NT5DC1: variants seen among roughly 807,000 people sequenced by gnomAD.
NT5DC1 encodes 5'-nucleotidase domain-containing protein 1.
Under a neutral mutation model 59.4 loss-of-function variants are expected in NT5DC1, and 42 were observed. The ratio of observed to expected loss-of-function variants is 0.71; its 90% CI spans 0.55 to 0.92. NT5DC1 has a LOEUF of 0.92. Ranked by LOEUF, NT5DC1 falls within the 40% of genes least tolerant of loss-of-function variation. The probability of loss-of-function intolerance (pLI) is 0.00; values close to 1 mark genes in which losing one functional copy is unlikely to be tolerated. For synonymous variants in NT5DC1, 172 were observed against 188.1 expected (o/e 0.91, Z 0.70); for missense variants, 501 against 537.1 (o/e 0.93, Z 0.66).
At chr6:116,240,583 A>C (rs1771693367) in intron 11 of NT5DC1, among the ~76,000 whole-genome samples, 1 of 152,166 alleles carries the variant, frequency 6.6e-6, no homozygotes, top group Non-Finnish European at 1.5e-5. Flanking sequence ...AATGATGGGG[A>C]AAAAAATAAG....
chr6:116,137,102 C>G (rs1226194218), intron 6 of NT5DC1: 1 of 216,640 alleles, frequency 4.6e-6, no homozygotes, highest in Non-Finnish European at 1.0e-5. Context: ...CCAGTGTTTG[C>G]TTGATGAAAT....
chr6:116,199,209 G>A (rs1307896505), intron 6 of NT5DC1, among the ~76,000 whole-genome samples: 5 of 152,070 alleles, frequency 3.3e-5, no homozygotes, highest in Non-Finnish European at 7.4e-5. Flanking sequence ...CTTCTAGATA[G>A]ACAAGAGAGT....
At chr6:116,204,153 G>A (rs938905195) in intron 6 of NT5DC1, among the ~76,000 whole-genome samples, 17 of 151,902 alleles carry the variant, frequency 1.1e-4, no homozygotes, top group Non-Finnish European at 2.5e-4. Context: ...GAAGGCTTTT[G>A]GTGGGGTAAG....
chr6:116,128,735 A>G (rs1481817924), intron 6 of NT5DC1, among the ~76,000 whole-genome samples: 1 of 152,104 alleles, frequency 6.6e-6, no homozygotes, highest in Admixed American at 6.6e-5. Context: ...GGAAATGCAC[A>G]ATTCCTTCAG....
intron 6 of NT5DC1, among the ~76,000 whole-genome samples, chr6:116,157,553 T>A (rs1780227125): frequency 6.6e-6 from 1 of 152,230 alleles, no homozygotes; most frequent in African/African-American, 2.4e-5. Flanking sequence ...TTGAGTCCAA[T>A]GGGGGATCAA....
At chr6:116,225,937 G>C (rs951921100) in intron 8 of NT5DC1, among the ~76,000 whole-genome samples, 15 of 152,122 alleles carry the variant, frequency 9.9e-5, no homozygotes, top group Non-Finnish European at 2.1e-4. Flanking sequence ...ACTTTGGAGG[G>C]GGGTGGAGGC....
intron 6 of NT5DC1, among the ~76,000 whole-genome samples, chr6:116,136,637 T>C (rs1779611579): frequency 6.6e-6 from 1 of 152,196 alleles, no homozygotes; most frequent in Non-Finnish European, 1.5e-5. Context: ...TTGTGAAATC[T>C]CAGATGTGAC....
In NT5DC1 at chr6:116,237,650, A is replaced by G. The variant is rs865868101; in HGVS notation, c.922-537A>G. 9.3e-5 allele frequency: 34 copies of G among 367,378 alleles called. No individual in the cohort carries two copies. The Middle Eastern group carries it at 5.0e-3, about 54-fold the overall frequency. The allele number at this position is 367,378 out of a possible 1,614,324, so 22.8% of individuals were successfully genotyped here. A position where few individuals can be genotyped will look rare whatever the true frequency, so the allele number is the denominator to read the frequency against. On this transcript the variant is annotated intron_variant, in intron 9 of 11. Transcript: ENST00000319550. ...TCTGAAAATTGAGAGGTATGGACTC[A>G]ATCAATGGAGTCCTCAGACTCCATT...
chr6:116,135,935 A>G (rs1172969061), intron 6 of NT5DC1, among the ~76,000 whole-genome samples: 3 of 149,790 alleles, frequency 2.0e-5, no homozygotes, highest in African/African-American at 7.3e-5. Flanking sequence ...TATCCATTAC[A>G]TTGGTGAGAA....
At chr6:116,120,334 T>C (rs756521947) in intron 6 of NT5DC1, 1 of 1,614,252 alleles carries the variant, frequency 6.2e-7, no homozygotes, top group Non-Finnish European at 8.5e-7. Context: ...AGTATATTCC[T>C]GGTATCTGAC....
chr6:116,106,226 T>C lies in NT5DC1; in HGVS notation c.94-18T>C, dbSNP rs376347582. ...GTGGGTGTTATATTTAATCTGTTTT[T>C]CTTCCCCTTATTTGCAGCTCATTTA... is the stretch of plus-strand genomic sequence containing the variant. On this transcript the variant is annotated intron_variant, in intron 1 of 11. Coordinates refer to ENST00000319550, the MANE Select transcript of NT5DC1 (RefSeq NM_152729.3). The C allele has an allele frequency of 4.7e-5, 59 of 1,245,010 alleles. No individual in the cohort carries two copies. In the African/African-American group the frequency reaches 5.6e-4, roughly 12 times the overall value. 77.1% of individuals were successfully genotyped at this position (1,245,010 alleles called of 1,614,324 possible). A position where few individuals can be genotyped will look rare whatever the true frequency, so the allele number is the denominator to read the frequency against.
At chr6:116,183,196 T>C (rs1277388323) in intron 6 of NT5DC1, among the ~76,000 whole-genome samples, 4 of 152,170 alleles carry the variant, frequency 2.6e-5, no homozygotes, top group Admixed American at 6.6e-5. Flanking sequence ...GTATTTGGCT[T>C]TATTTCTGGG....
intron 6 of NT5DC1, among the ~76,000 whole-genome samples, chr6:116,122,667 G>T (rs189369611): frequency 6.6e-6 from 1 of 152,324 alleles, no homozygotes; most frequent in Admixed American, 6.5e-5. Flanking sequence ...CATAGTGCCT[G>T]TGATGTGAAA....
intron 6 of NT5DC1, among the ~76,000 whole-genome samples, chr6:116,217,178 A>G (rs1279216222): frequency 6.6e-6 from 1 of 152,216 alleles, no homozygotes; most frequent in Non-Finnish European, 1.5e-5. Flanking sequence ...AGGTTGTACT[A>G]TACTTTTTTA....
chr6:116,163,835 T>C (rs1422259017), intron 6 of NT5DC1, among the ~76,000 whole-genome samples: 1 of 152,190 alleles, frequency 6.6e-6, no homozygotes, highest in Admixed American at 6.5e-5. Context: ...AATTCTTTTT[T>C]ATTTCGGCCT....
chr6:116,217,514 C>T (rs948759119), intron 6 of NT5DC1, among the ~76,000 whole-genome samples: 2 of 151,976 alleles, frequency 1.3e-5, no homozygotes, highest in African/African-American at 4.8e-5. Flanking sequence ...CAAACAATAC[C>T]ACTCCTTTCC....
chr6:116,168,244 A>T (rs1462139538), intron 6 of NT5DC1, among the ~76,000 whole-genome samples: 3 of 151,954 alleles, frequency 2.0e-5, no homozygotes, highest in African/African-American at 7.2e-5. Context: ...TTCATATTTT[A>T]GAAGATATTT....
At position 116,218,227 on chromosome 6, in the gene NT5DC1, C is replaced by T. The variant is rs530747963; in HGVS notation, c.530-2827C>T. Among the ~76,000 whole-genome samples the T allele has an allele frequency of 8.4e-4, 128 of 152,144 alleles. 1 individual carries two copies. The highest frequency in any genetic ancestry group is 1.1e-3 in the Non-Finnish European group (74 of 67,974). The stretch of plus-strand genomic sequence containing the variant: ...AAATTTAAAATATTGTATTTAAATG[C>T]GTATGCCTTGTATTTTTATTCCTTT... On this transcript the variant is annotated intron_variant, in intron 6 of 11. Transcript: ENST00000319550.
rs191136157 is a variant in NT5DC1, at chr6:116,104,063, T to G, written c.94-2181T>G. Among the ~76,000 whole-genome samples, 3 of 152,226 alleles carry G rather than the reference T, an allele frequency of 2.0e-5. No individual in the cohort carries two copies. The East Asian group carries it at 5.8e-4, about 29-fold the overall frequency. On this transcript the variant is annotated intron_variant, in intron 1 of 11. Coordinates refer to ENST00000319550, the MANE Select transcript of NT5DC1 (RefSeq NM_152729.3). Reference sequence around the variant, plus strand: ...TGTATTATTATTACTCCTGAGAGACTGTGAGGTGGTGATAGCTAAGGCTGG... The same window carrying G: ...TGTATTATTATTACTCCTGAGAGACGGTGAGGTGGTGATAGCTAAGGCTGG...
Sources: allele counts gnomAD v4.1 joint callset (sites outside exome capture counted in the v4.1 genomes callset), GRCh38; gene constraint gnomAD v4.1.1; transcripts MANE v1.5; gene names NCBI Gene and HGNC (gene_info 2026-07-23, HGNC 2026-07-21).